The following CPO variants were observed in gnomAD, a reference collection of about 807,000 sequenced individuals.
CPO encodes the protein carboxypeptidase O.
In CPO, 43 loss-of-function variants were observed where a neutral mutation model predicts 41.2. The ratio of observed to expected loss-of-function variants is 1.04; its 90% CI spans 0.82 to 1.35. CPO has a LOEUF of 1.35. CPO is among the 40% of genes most tolerant of loss of function. The probability of loss-of-function intolerance (pLI) is 0.00; values close to 1 mark genes in which losing one functional copy is unlikely to be tolerated. For synonymous variants in CPO, 178 were observed against 162.7 expected (o/e 1.09, Z -0.72); for missense variants, 408 against 451.7 (o/e 0.90, Z 0.88).
At chr2:206,962,341 T>C (rs987838917) in intron 6 of CPO, 71 bp from the exon 7 acceptor site, 57 of 1,377,516 alleles carry the variant, frequency 4.1e-5, no homozygotes, top group Admixed American at 1.7e-5. Flanking sequence ...TGAGTATGGA[T>C]GACTCCTTGC....
chr2:206,958,727 AGT>A lies in CPO; in HGVS notation c.372+323_372+324del, dbSNP rs1693419604. 2.1e-4 allele frequency among the ~76,000 whole-genome samples: 10 copies of A among 47,802 alleles called. 1 individual carries two copies. The highest frequency in any genetic ancestry group is 3.6e-4 in the Non-Finnish European group (8 of 22,042). 31.4% of individuals were successfully genotyped at this position (47,802 alleles called of 152,430 possible). A position where few individuals can be genotyped will look rare whatever the true frequency, so the allele number is the denominator to read the frequency against. ...TCTAATAGTATTTGGCAAATTTTCTAGTTTTTTTTTTTTTTTTTTTTTTTTTT... is the reference window on the plus strand; with the variant it reads ...TCTAATAGTATTTGGCAAATTTTCTATTTTTTTTTTTTTTTTTTTTTTTTT... On this transcript the variant is annotated intron_variant, in intron 4 of 8. Coordinates refer to ENST00000272852, the MANE Select transcript of CPO (RefSeq NM_173077.3).
chr2:206,955,602 T>C lies in CPO; in HGVS notation c.267+38T>C, dbSNP rs755986676. 9 of 1,068,836 alleles carry C rather than the reference T, an allele frequency of 8.4e-6. No individual in the cohort carries two copies. The South Asian group carries it at 1.1e-4, about 13-fold the overall frequency. 66.2% of individuals were successfully genotyped at this position (1,068,836 alleles called of 1,614,324 possible). The stretch of plus-strand genomic sequence containing the variant: ...GCTGAGAATTACCTTACCAGGAGAA[T>C]TATCCAGGAGGATATGTGTTTACTA... On this transcript the variant is annotated intron_variant, in intron 3 of 8. Coordinates refer to ENST00000272852, the MANE Select transcript of CPO (RefSeq NM_173077.3).
intron 3 of CPO, among the ~76,000 whole-genome samples, chr2:206,957,193 C>T (rs1385977803): frequency 1.3e-5 from 2 of 151,832 alleles, no homozygotes; most frequent in Admixed American, 6.6e-5. Flanking sequence ...CTAGCTAACA[C>T]GGTAAAACCC....
chr2:206,962,553 G>C lies in CPO; in HGVS notation c.716G>C (p.Gly239Ala). Residue 239 changes from glycine (G) to alanine (A), a missense_variant, in exon 7 of 9, where the codon GGG (glycine) becomes GCG (alanine). Physicochemically the swap from Gly to Ala is moderately conservative, Grantham distance 60 (BLOSUM62 0). Coordinates refer to ENST00000272852, the MANE Select transcript of CPO (RefSeq NM_173077.3). ...TGCTTCCTGACCATGCACTCTTATG[G>C]GCAGTTAATTCTCACACCTTACGGC... ...ILCFLTMHSY[G>A]QLILTPYGYT... The C allele has an allele frequency of 6.2e-7, 1 of 1,614,012 alleles. No individual in the cohort carries two copies. Among genetic ancestry groups the C allele is most frequent in the Admixed American group, 1.7e-5 (1 of 59,996 alleles).
intron 2 of CPO, 135 bp downstream of exon 2, chr2:206,949,848 T>A: frequency 2.0e-6 from 1 of 495,130 alleles, no homozygotes; most frequent in Non-Finnish European, 3.7e-6. Flanking sequence ...ATACATTGAG[T>A]TCAAGGGATT....
Position 206,939,880 on chromosome 2 carries a change from A to G in CPO, c.68+213A>G, listed in dbSNP as rs564443604. 2.0e-5 allele frequency among the ~76,000 whole-genome samples: 3 copies of G among 152,184 alleles called. No individual in the cohort carries two copies. In the East Asian group the frequency reaches 5.8e-4, roughly 29 times the overall value. On this transcript the variant is annotated intron_variant, in intron 1 of 8. Coordinates refer to ENST00000272852, the MANE Select transcript of CPO (RefSeq NM_173077.3). ...ATAAATGAATAAATATCTAGCAAACATTTCCTAACACAATGCATGAGATAT... is the reference window on the plus strand; with the variant it reads ...ATAAATGAATAAATATCTAGCAAACGTTTCCTAACACAATGCATGAGATAT...
At chr2:206,943,673 A>ATGAT (rs1332170013) in intron 1 of CPO, among the ~76,000 whole-genome samples, 43 of 101,676 alleles carry the variant, frequency 4.2e-4, no homozygotes, top group African/African-American at 1.5e-3. Context: ...AGATAGATAG[A>ATGAT]TGATAGATAG....
intron 3 of CPO, among the ~76,000 whole-genome samples, chr2:206,957,874 A>G (rs1424346414): frequency 3.3e-5 from 5 of 152,210 alleles, no homozygotes; most frequent in African/African-American, 1.2e-4. Flanking sequence ...ATTGGGATTC[A>G]TTTTAAAGAC....
At chr2:206,967,295 G>A (rs1693591323) in intron 7 of CPO, among the ~76,000 whole-genome samples, 2 of 150,988 alleles carry the variant, frequency 1.3e-5, no homozygotes, top group African/African-American at 4.9e-5. Flanking sequence ...AGTGGTGGTA[G>A]GTGTGGGGAT....
At chr2:206,967,374 TATAGATATAG>T (rs1179662470) in intron 7 of CPO, among the ~76,000 whole-genome samples, 1 of 150,084 alleles carries the variant, frequency 6.7e-6, no homozygotes, top group Non-Finnish European at 1.5e-5. Flanking sequence ...TAGATATAGA[TATAGATATAG>T]ATAATGAGAT....
intron 7 of CPO, among the ~76,000 whole-genome samples, chr2:206,965,068 A>G (rs1384347511): frequency 6.6e-6 from 1 of 152,210 alleles, no homozygotes; most frequent in Non-Finnish European, 1.5e-5. Context: ...CAATGGCACC[A>G]TCACTACTGG....
chr2:206,969,386 T>G lies in CPO; in HGVS notation c.1075T>G (p.Ser359Ala). The change falls in exon 9 of 9, where the codon TCT (serine) becomes GCT (alanine). Residue 359 changes from serine (S) to alanine (A), a missense_variant. Transcript: ENST00000272852. ...WHSDSAGRVT[S>A]ATMLLGLLVS... ...CTCGGACAGTGCTGGAAGGGTGACA[T>G]CTGCCACTATGCTGCTGGGCCTGCT... The G allele has an allele frequency of 6.2e-7, 1 of 1,614,064 alleles. No homozygotes were observed. Among genetic ancestry groups the G allele is most frequent in the Non-Finnish European group, 8.5e-7 (1 of 1,179,990 alleles).
rs1296545766 is a variant in CPO, at chr2:206,965,732, A to G, written c.778-2531A>G. ...TACAGGAAATTCTCTGGGCCCAGAG[A>G]AGGAGTTGTTAAGCGGGCCGGAGGT... is the stretch of plus-strand genomic sequence containing the variant. On this transcript the variant is annotated intron_variant, in intron 7 of 8. Coordinates refer to ENST00000272852, the MANE Select transcript of CPO (RefSeq NM_173077.3). Among the ~76,000 whole-genome samples, 3 of 152,178 alleles carry G rather than the reference A, an allele frequency of 2.0e-5. No homozygotes were observed. In the South Asian group the frequency reaches 6.2e-4, roughly 32 times the overall value.
intron 1 of CPO, among the ~76,000 whole-genome samples, chr2:206,946,128 C>T (rs891982478): frequency 6.6e-6 from 1 of 151,962 alleles, no homozygotes; most frequent in East Asian, 1.9e-4. Flanking sequence ...CTTCCTAACT[C>T]ATTTTATGAG....
intron 3 of CPO, among the ~76,000 whole-genome samples, chr2:206,957,389 A>G (rs1001175017): frequency 3.4e-5 from 5 of 147,954 alleles, no homozygotes; most frequent in Admixed American, 1.3e-4. Context: ...AAAAAAAAAA[A>G]AGAGAACATT....
intron 2 of CPO, among the ~76,000 whole-genome samples, chr2:206,952,984 A>C (rs757483992): frequency 6.6e-6 from 1 of 152,148 alleles, no homozygotes; most frequent in Admixed American, 6.5e-5. Context: ...CTTATTCACT[A>C]TCACGAGAAC....
chr2:206,940,832 A>G (rs1002592500), intron 1 of CPO, among the ~76,000 whole-genome samples: 1 of 152,112 alleles, frequency 6.6e-6, no homozygotes, highest in African/African-American at 2.4e-5. Context: ...TTGTCCCACA[A>G]TAATTGTGTG....
chr2:206,950,071 G>A (rs1693221977), intron 2 of CPO, among the ~76,000 whole-genome samples: 2 of 152,254 alleles, frequency 1.3e-5, no homozygotes, highest in Admixed American at 1.3e-4. Flanking sequence ...ATGGGTGTGA[G>A]GTGGAGAAGC....
At chr2:206,961,355 GC>G (rs1172365910) in intron 6 of CPO, among the ~76,000 whole-genome samples, 1 of 152,034 alleles carries the variant, frequency 6.6e-6, no homozygotes, top group African/African-American at 2.4e-5. Flanking sequence ...ATCTCAATAT[GC>G]CCAGTGAATT....
Sources: allele counts gnomAD v4.1 joint callset (sites outside exome capture counted in the v4.1 genomes callset), GRCh38; gene constraint gnomAD v4.1.1; transcripts MANE v1.5; gene names NCBI Gene and HGNC (gene_info 2026-07-23, HGNC 2026-07-21).